Variants in CFAP97 observed in about 807,000 individuals in gnomAD.
The protein encoded by CFAP97 is cilia- and flagella-associated protein 97.
In CFAP97, 36 loss-of-function variants were observed where a neutral mutation model predicts 43.1. The observed-to-expected ratio is 0.84, with a 90% CI of 0.64 to 1.10. The LOEUF (loss-of-function observed/expected upper bound fraction) is 1.10, where lower values mean the gene tolerates loss of function less well. Ranked by LOEUF, CFAP97 falls within the 50% of genes least tolerant of loss-of-function variation. The pLI is 0.00. For synonymous variants in CFAP97, 228 were observed against 225.7 expected (o/e 1.01, Z -0.09); for missense variants, 657 against 620.3 (o/e 1.06, Z -0.63).
At chr4:185,197,885 T>C (rs1736628137) in intron 1 of CFAP97, among the ~76,000 whole-genome samples, 1 of 152,108 alleles carries the variant, frequency 6.6e-6, no homozygotes, top group Admixed American at 6.6e-5. Flanking sequence ...TTAGCCAAGT[T>C]GTGAAAGCAA....
chr4:185,187,811 G>A (rs1736067850), intron 2 of CFAP97, among the ~76,000 whole-genome samples: 1 of 151,820 alleles, frequency 6.6e-6, no homozygotes, highest in South Asian at 2.1e-4. Context: ...TGTTTTAAGA[G>A]TTCTCTAGGT....
intron 3 of CFAP97, among the ~76,000 whole-genome samples, chr4:185,164,803 T>G (rs1404260059): frequency 1.3e-5 from 2 of 152,224 alleles, no homozygotes; most frequent in Non-Finnish European, 2.9e-5. Flanking sequence ...TAAACCTGAT[T>G]TTCTCATAGA....
intron 3 of CFAP97, among the ~76,000 whole-genome samples, chr4:185,165,456 T>C (rs541850399): frequency 1.3e-5 from 2 of 152,364 alleles, no homozygotes; most frequent in Non-Finnish European, 2.9e-5. Flanking sequence ...AAAGAGTTTA[T>C]CCTGTTGGCT....
At chr4:185,175,699 T>G (rs372163462) in intron 3 of CFAP97, 87 bp downstream of exon 3, 4 of 1,225,470 alleles carry the variant, frequency 3.3e-6, no homozygotes, top group Non-Finnish European at 4.6e-6. Context: ...GTTTGAATAT[T>G]TGGCTGTATT....
At position 185,190,464 on chromosome 4, in the gene CFAP97, G is replaced by A. The variant is rs778995841; in HGVS notation, c.733C>T (p.Pro245Ser). The A allele has an allele frequency of 1.2e-6, 2 of 1,613,896 alleles. No individual in the cohort carries two copies. Among genetic ancestry groups the A allele is most frequent in the Non-Finnish European group, 1.7e-6 (2 of 1,179,858 alleles). Residue 245 changes from proline (P) to serine (S), a missense_variant, in exon 2 of 5, where the codon CCT becomes TCT. By Grantham distance (74) the Pro-to-Ser change is moderately conservative. Coordinates refer to ENST00000458385, the MANE Select transcript of CFAP97 (RefSeq NM_020827.3). Reference sequence around the variant, plus strand: ...GTCACAGTATCTTCAGACTCCTCAGGGTAGTGGCCACATTTTGGTGTAGTA... The same window carrying A: ...GTCACAGTATCTTCAGACTCCTCAGAGTAGTGGCCACATTTTGGTGTAGTA... The part of the protein sequence containing the change: ...SSTTPKCGHY[P>S]EESEDTVTDV...
intron 1 of CFAP97, among the ~76,000 whole-genome samples, chr4:185,195,713 C>G (rs984020542): frequency 6.6e-6 from 1 of 152,148 alleles, no homozygotes; most frequent in Non-Finnish European, 1.5e-5. Context: ...GATCTTGAGT[C>G]ATCACAAACG....
At chr4:185,171,323 A>G (rs1328477006) in intron 3 of CFAP97, among the ~76,000 whole-genome samples, 1 of 152,132 alleles carries the variant, frequency 6.6e-6, no homozygotes, top group Non-Finnish European at 1.5e-5. Context: ...GCAAGACCTC[A>G]TCTCCAAAAG....
At chr4:185,208,937 T>C (rs140632670), upstream of CFAP97, among the ~76,000 whole-genome samples, 108 of 152,326 alleles carry the variant, frequency 7.1e-4, no homozygotes, top group Middle Eastern at 3.4e-3. Flanking sequence ...TAAAAATTAT[T>C]TGGACCACGT....
chr4:185,199,950 G>C (rs1736750032), intron 1 of CFAP97, among the ~76,000 whole-genome samples: 1 of 152,186 alleles, frequency 6.6e-6, no homozygotes, highest in Admixed American at 6.5e-5. Context: ...TGCAGCCCAT[G>C]GTTCAAGGAG....
At chr4:185,205,453 C>CAAA (rs1161922728), upstream of CFAP97, among the ~76,000 whole-genome samples, 6 of 127,464 alleles carry the variant, frequency 4.7e-5, no homozygotes, top group African/African-American at 1.1e-4. Flanking sequence ...GACTGTGTCT[C>CAAA]AAAAAAAAAA....
chr4:185,187,957 C>T (rs1172362481), intron 2 of CFAP97, among the ~76,000 whole-genome samples: 3 of 152,030 alleles, frequency 2.0e-5, no homozygotes, highest in Non-Finnish European at 2.9e-5. Flanking sequence ...AGTGCAGTGG[C>T]GTGATCTCGG....
chr4:185,192,594 T>A (rs964256890), intron 1 of CFAP97, among the ~76,000 whole-genome samples: 1 of 145,604 alleles, frequency 6.9e-6, no homozygotes, highest in Non-Finnish European at 1.5e-5. Context: ...GAAACATCAC[T>A]ATAAAGTCAT....
intron 2 of CFAP97, among the ~76,000 whole-genome samples, chr4:185,183,209 T>G (rs768655625): frequency 2.6e-5 from 4 of 152,194 alleles, no homozygotes; most frequent in Admixed American, 6.5e-5. Flanking sequence ...CTTGCAAAAT[T>G]TTTTACTTAG....
Position 185,160,945 on chromosome 4 carries a change from T to TA in CFAP97, c.*1852_*1853insT, listed in dbSNP as rs1734854932. The TA allele has an allele frequency of 6.8e-6, 1 of 148,138 alleles. No individual in the cohort carries two copies. Among genetic ancestry groups the TA allele is most frequent in the Non-Finnish European group, 1.5e-5 (1 of 67,032 alleles). The allele number at this position is 148,138 out of a possible 1,614,324, so 9.2% of individuals were successfully genotyped here. ...TATATATATAAAACATATATATATA[T>TA]TTTTTTCTGGAACAACTTAAAAATC... On this transcript the variant is annotated 3_prime_UTR_variant, in exon 5 of 5. Coordinates refer to ENST00000458385, the MANE Select transcript of CFAP97 (RefSeq NM_020827.3).
intron 2 of CFAP97, chr4:185,182,604 C>T (rs1735837422): frequency 6.6e-6 from 1 of 152,206 alleles, no homozygotes; most frequent in South Asian, 2.1e-4. Context: ...GTGCCTGAAG[C>T]TCAGAACAGT....
intron 1 of CFAP97, among the ~76,000 whole-genome samples, chr4:185,191,691 G>A (rs890799352): frequency 1.2e-4 from 18 of 152,146 alleles, no homozygotes; most frequent in Non-Finnish European, 1.6e-4. Context: ...TTAGCTGGGC[G>A]TGATGGCACG....
upstream of CFAP97, among the ~76,000 whole-genome samples, chr4:185,206,206 C>T (rs1737179821): frequency 6.6e-6 from 1 of 152,152 alleles, no homozygotes; most frequent in Admixed American, 6.5e-5. Flanking sequence ...TACTTATGCA[C>T]CCATGTTCAT....
At chr4:185,194,852 C>A (rs1736467745) in intron 1 of CFAP97, among the ~76,000 whole-genome samples, 1 of 152,136 alleles carries the variant, frequency 6.6e-6, no homozygotes, top group Non-Finnish European at 1.5e-5. Flanking sequence ...CATACAACCC[C>A]ATTATAGTTC....
Position 185,169,697 on chromosome 4 carries a change from G to C in CFAP97, c.1321-5518C>G, listed in dbSNP as rs1485737428. 5.1e-6 allele frequency: 5 copies of C among 985,318 alleles called. No homozygotes were observed. In the African/African-American group the frequency reaches 8.7e-5, roughly 17 times the overall value. 61.0% of individuals were successfully genotyped at this position (985,318 alleles called of 1,614,324 possible). A position where few individuals can be genotyped will look rare whatever the true frequency, so the allele number is the denominator to read the frequency against. On this transcript the variant is annotated intron_variant, in intron 3 of 4. Coordinates refer to ENST00000458385, the MANE Select transcript of CFAP97 (RefSeq NM_020827.3). ...TTAATGATTTCTGCAGCCGTTAGCA[G>C]AGGAGAGTTGCTTTAGTGTTTCTAG...
Sources: allele counts gnomAD v4.1 joint callset (sites outside exome capture counted in the v4.1 genomes callset), GRCh38; gene constraint gnomAD v4.1.1; transcripts MANE v1.5; gene names NCBI Gene and HGNC (gene_info 2026-07-23, HGNC 2026-07-21).